Variants in TENM2 observed in about 807,000 individuals in gnomAD.
The protein encoded by TENM2 is teneurin-2.
TENM2 carries 52 observed loss-of-function variants against 245.2 expected under a neutral mutation model. That is an observed-to-expected ratio of 0.21 (90% confidence interval 0.17 to 0.27). TENM2 has a LOEUF of 0.27. Ranked by LOEUF, TENM2 falls within the 10% of genes least tolerant of loss-of-function variation. The pLI, the probability that TENM2 is intolerant of heterozygous loss-of-function variation, is 1.00. For synonymous variants in TENM2, 1,363 were observed against 1,438.9 expected (o/e 0.95, Z 1.19); for missense variants, 3,046 against 3,666.8 (o/e 0.83, Z 4.37).
the TENM2 span, among the ~76,000 whole-genome samples, chr5:167,191,075 TG>T: frequency 6.6e-6 from 1 of 151,966 alleles, no homozygotes; most frequent in African/African-American, 2.4e-5. Flanking sequence ...TGTTTATCCT[TG>T]GGAAAAAAGA....
chr5:167,096,280 T>C, the TENM2 span, among the ~76,000 whole-genome samples: 1 of 152,220 alleles, frequency 6.6e-6, no homozygotes, highest in African/African-American at 2.4e-5. Flanking sequence ...TAAAATCTAC[T>C]CTTGGCAATT....
intron 2 of TENM2, among the ~76,000 whole-genome samples, chr5:167,542,494 C>A (rs1399452891): frequency 2.7e-5 from 1 of 36,998 alleles, no homozygotes; most frequent in Non-Finnish European, 1.0e-4. Flanking sequence ...CCTTCTGAAT[C>A]CATGAAGGGT....
chr5:167,749,869 G>C (rs915757817), intron 2 of TENM2, among the ~76,000 whole-genome samples: 1 of 152,044 alleles, frequency 6.6e-6, no homozygotes, highest in African/African-American at 2.4e-5. Flanking sequence ...TATCAATAAA[G>C]AGATCTGCCT....
intron 2 of TENM2, among the ~76,000 whole-genome samples, chr5:167,857,356 T>C (rs1263298791): frequency 6.6e-6 from 1 of 152,208 alleles, no homozygotes; most frequent in African/African-American, 2.4e-5. Flanking sequence ...GTCCTTTACC[T>C]CTCTTCCAGG....
intron 2 of TENM2, among the ~76,000 whole-genome samples, chr5:167,497,429 G>A (rs1305579300): frequency 1.3e-5 from 2 of 151,944 alleles, no homozygotes; most frequent in Non-Finnish European, 2.9e-5. Context: ...ATGCATTGCC[G>A]TGGCAGCGCA....
rs371740246 is a variant in TENM2 at position 167,562,297 on chromosome 5, T to C, written c.502+186824T>C. On this transcript the variant is annotated intron_variant, in intron 2 of 28. Coordinates refer to ENST00000518659, the Ensembl canonical transcript of TENM2. ...TATTCCCCACACAAGAGAATCTAGT[T>C]GGGCAAAGAGGCATTTTTTCCCCCT... 2.0e-3 allele frequency among the ~76,000 whole-genome samples: 309 copies of C among 151,814 alleles called. 12 individuals are homozygous for C. In the South Asian group the frequency reaches 0.062, roughly 31 times the overall value.
At chr5:167,581,563 T>C (rs888497938) in intron 2 of TENM2, among the ~76,000 whole-genome samples, 2 of 152,200 alleles carry the variant, frequency 1.3e-5, no homozygotes, top group African/African-American at 4.8e-5. Flanking sequence ...CTCTTAGTAT[T>C]CGTATTTGTG....
At chr5:167,898,948 A>G (rs561454018) in intron 3 of TENM2, among the ~76,000 whole-genome samples, 1 of 152,284 alleles carries the variant, frequency 6.6e-6, no homozygotes, top group East Asian at 1.9e-4. Flanking sequence ...CTCGATGGTC[A>G]TATCCAACAG....
intron 2 of TENM2, among the ~76,000 whole-genome samples, chr5:167,869,078 C>A (rs1352852760): frequency 6.6e-6 from 1 of 152,208 alleles, no homozygotes; most frequent in Non-Finnish European, 1.5e-5. Flanking sequence ...AGGGCTCAGT[C>A]TGCTGGACTC....
intron 2 of TENM2, among the ~76,000 whole-genome samples, chr5:167,392,405 C>T (rs947505272): frequency 2.0e-5 from 3 of 152,112 alleles, no homozygotes; most frequent in Admixed American, 2.0e-4. Context: ...TCCCCCAGTG[C>T]AGGTCTGCAT....
chr5:167,982,154 T>C (rs773826740), intron 4 of TENM2, among the ~76,000 whole-genome samples: 2 of 152,198 alleles, frequency 1.3e-5, no homozygotes, highest in Admixed American at 6.5e-5. Flanking sequence ...CTGCTCCTGC[T>C]GCCTGGGATG....
chr5:167,202,946 G>A, the TENM2 span, among the ~76,000 whole-genome samples: 12 of 152,108 alleles, frequency 7.9e-5, no homozygotes, highest in African/African-American at 2.9e-4. Flanking sequence ...AATCCTACAT[G>A]GTAAGTAATA....
At chr5:168,072,827 G>T (rs9313396) in intron 7 of TENM2, among the ~76,000 whole-genome samples, 97,292 of 152,012 alleles carry the variant, frequency 0.64, 31,639 homozygotes, top group Non-Finnish European at 0.68. Context: ...CACTTATAGC[G>T]CACTCTCAGG....
chr5:168,059,298 A>G lies in TENM2; in HGVS notation c.1310-2762A>G, dbSNP rs370396291. ...ATCTCCAGCATCTGCATCTGGCTTGATATCACAATCCATTCAGGTTTCCAC... is the reference window on the plus strand; with the variant it reads ...ATCTCCAGCATCTGCATCTGGCTTGGTATCACAATCCATTCAGGTTTCCAC... On this transcript the variant is annotated intron_variant, in intron 6 of 28. Coordinates refer to ENST00000518659, the Ensembl canonical transcript of TENM2. Among the ~76,000 whole-genome samples the G allele has an allele frequency of 1.9e-4, 29 of 152,282 alleles. No homozygotes were observed. The South Asian group carries it at 3.1e-3, about 16-fold the overall frequency.
chr5:168,227,779 A>T, intron 24 of TENM2, 116 bp from the exon 27 acceptor site: 2 of 649,602 alleles, frequency 3.1e-6, no homozygotes, highest in Non-Finnish European at 5.3e-6. Flanking sequence ...GCCTTCGACT[A>T]ATGGCTGCAA....
chr5:167,393,598 G>A (rs945799639), intron 2 of TENM2, among the ~76,000 whole-genome samples: 2 of 152,100 alleles, frequency 1.3e-5, no homozygotes, highest in African/African-American at 4.8e-5. Flanking sequence ...AGAAATGAAG[G>A]TGAAGTCAGG....
At chr5:167,711,298 A>G (rs956002162) in intron 2 of TENM2, among the ~76,000 whole-genome samples, 2 of 152,232 alleles carry the variant, frequency 1.3e-5, no homozygotes, top group Non-Finnish European at 2.9e-5. Flanking sequence ...AGAAGGCACC[A>G]AGGATAATTC....
intron 5 of TENM2, among the ~76,000 whole-genome samples, chr5:168,036,544 G>A (rs1180003609): frequency 6.6e-6 from 1 of 151,304 alleles, no homozygotes; most frequent in South Asian, 2.1e-4. Context: ...GCTGAGGCTA[G>A]ATAATCGCTT....
Position 168,205,642 on chromosome 5 carries a change from T to A in TENM2, c.3824+1021T>A, listed in dbSNP as rs2152541282. On this transcript the variant is annotated intron_variant, in intron 19 of 28. Coordinates refer to ENST00000518659, the Ensembl canonical transcript of TENM2. Reference sequence around the variant, plus strand: ...GCAAAGAGAAGTTGTTCAAAAGCCCTATACCAGCCAATAACCTGGCTGATT... The same window carrying A: ...GCAAAGAGAAGTTGTTCAAAAGCCCAATACCAGCCAATAACCTGGCTGATT... 2.0e-5 allele frequency among the ~76,000 whole-genome samples: 3 copies of A among 152,250 alleles called. No homozygotes were observed. In the South Asian group the frequency reaches 6.2e-4, roughly 32 times the overall value.
Sources: allele counts gnomAD v4.1 joint callset (sites outside exome capture counted in the v4.1 genomes callset), GRCh38; gene constraint gnomAD v4.1.1; transcripts MANE v1.5; gene names NCBI Gene and HGNC (gene_info 2026-07-23, HGNC 2026-07-21).